The following PAPPA variants were observed in gnomAD, a reference collection of about 807,000 sequenced individuals.
The protein encoded by PAPPA is pappalysin-1.
A neutral mutation model predicts 164.0 loss-of-function variants in PAPPA; 60 were observed. That is an observed-to-expected ratio of 0.37 (90% CI 0.30 to 0.45). PAPPA has a LOEUF of 0.45. PAPPA is among the 20% of genes least tolerant of loss of function. PAPPA has a pLI of 1.00. For missense variants in PAPPA, 1,782 were observed against 2,087.3 expected (o/e 0.85, Z 2.85); for synonymous variants, 875 against 814.1 (o/e 1.07, Z -1.27).
chr9:116,239,368 C>T (rs1844709980), intron 7 of PAPPA, among the ~76,000 whole-genome samples: 1 of 152,178 alleles, frequency 6.6e-6, no homozygotes, highest in Non-Finnish European at 1.5e-5. Flanking sequence ...CACACCGCAT[C>T]ACCTATTTGG....
At chr9:116,220,254 T>C (rs112496722) in intron 5 of PAPPA, 125 bp downstream of exon 5, 8 of 662,644 alleles carry the variant, frequency 1.2e-5, no homozygotes, top group African/African-American at 1.8e-5. Context: ...AAAAGGTATC[T>C]CCACCACCTA....
At chr9:116,248,924 G>A (rs1392570573) in intron 7 of PAPPA, among the ~76,000 whole-genome samples, 1 of 152,142 alleles carries the variant, frequency 6.6e-6, no homozygotes, top group Admixed American at 6.5e-5. Context: ...AGTTACTAGA[G>A]GATTGAAAGG....
At chr9:116,306,271 AC>A (rs1420071651) in intron 10 of PAPPA, among the ~76,000 whole-genome samples, 1 of 152,236 alleles carries the variant, frequency 6.6e-6, no homozygotes, top group Non-Finnish European at 1.5e-5. Context: ...CATTCTTATC[AC>A]AATAAGTCTG....
At chr9:116,370,097 C>T (rs753735331) in intron 19 of PAPPA, among the ~76,000 whole-genome samples, 12 of 152,088 alleles carry the variant, frequency 7.9e-5, no homozygotes, top group Admixed American at 1.3e-4. Flanking sequence ...GGTCTGCCTG[C>T]GAGCACCAGT....
intron 11 of PAPPA, among the ~76,000 whole-genome samples, chr9:116,331,867 C>T (rs1424882692): frequency 6.6e-6 from 1 of 152,176 alleles, no homozygotes; most frequent in Non-Finnish European, 1.5e-5. Flanking sequence ...GCTTTCTCTC[C>T]TCAAAGCCGA....
At chr9:116,253,645 A>T (rs969028096) in intron 7 of PAPPA, among the ~76,000 whole-genome samples, 1 of 152,194 alleles carries the variant, frequency 6.6e-6, no homozygotes, top group Non-Finnish European at 1.5e-5. Context: ...TCAGAGTAAT[A>T]CTCAGACAAA....
intron 1 of PAPPA, among the ~76,000 whole-genome samples, chr9:116,158,168 G>T (rs1227796144): frequency 6.6e-6 from 1 of 151,954 alleles, no homozygotes; most frequent in Non-Finnish European, 1.5e-5. Context: ...TTGTTCTAAT[G>T]GTTGGACTGG....
At position 116,302,819 on chromosome 9, in the gene PAPPA, A is replaced by G; in HGVS notation, c.3016A>G (p.Thr1006Ala). The G allele has an allele frequency of 6.2e-7, 1 of 1,614,052 alleles. No individual in the cohort carries two copies. Residue 1006 changes from threonine to alanine, a missense_variant, in exon 10 of 22, where the codon ACC becomes GCC. Around this residue, in one of 2 missense-constraint regions of PAPPA, gnomAD observed 1,324 missense variants for 1,656.9 expected, o/e 0.80. Transcript: ENST00000328252. ...DGVCEEFEQK[T>A]SIKDCGVYTP... Reference sequence around the variant, plus strand: ...GGTATGTGAGGAGTTTGAACAAAAAACCAGCATTAAGGACTGTGGTGTCTA... The same window carrying G: ...GGTATGTGAGGAGTTTGAACAAAAAGCCAGCATTAAGGACTGTGGTGTCTA...
At chr9:116,389,129 CTTT>C (rs374938651) in intron 21 of PAPPA, among the ~76,000 whole-genome samples, 5 of 128,844 alleles carry the variant, frequency 3.9e-5, no homozygotes, top group Admixed American at 7.9e-5. Flanking sequence ...CAGAATAATC[CTTT>C]TTTTTTTTTT....
chr9:116,264,435 CCT>C (rs1845041961), intron 7 of PAPPA, among the ~76,000 whole-genome samples: 1 of 152,196 alleles, frequency 6.6e-6, no homozygotes, highest in South Asian at 2.1e-4. Context: ...AAACAAACTC[CCT>C]TTGGGGTAAT....
chr9:116,202,235 T>C (rs575426996), intron 2 of PAPPA, among the ~76,000 whole-genome samples: 4 of 152,208 alleles, frequency 2.6e-5, no homozygotes, highest in Non-Finnish European at 5.9e-5. Context: ...TTTTGCATTT[T>C]GAATGTGGTT....
rs145680713 is a variant in PAPPA, at chr9:116,216,966, T to G, written c.1919-2971T>G. Among the ~76,000 whole-genome samples, 821 of 152,186 alleles carry G rather than the reference T, an allele frequency of 5.4e-3. 6 individuals carry two copies. Among genetic ancestry groups the G allele is most frequent in the South Asian group, 0.015 (71 of 4,812 alleles). ...CATGTTGGTCAGGGTGGTCTCGAAT[T>G]CCTGACCTCGTGATCCGCCCACCTT... On this transcript the variant is annotated intron_variant, in intron 4 of 21. Coordinates refer to ENST00000328252, the MANE Select transcript of PAPPA (RefSeq NM_002581.5).
intron 3 of PAPPA, among the ~76,000 whole-genome samples, chr9:116,210,518 ACAG>A (rs1844293598): frequency 6.6e-6 from 1 of 152,226 alleles, no homozygotes; most frequent in African/African-American, 2.4e-5. Flanking sequence ...TTCAAGGTTC[ACAG>A]ACCTGAGTTT....
intron 9 of PAPPA, among the ~76,000 whole-genome samples, chr9:116,295,200 C>A (rs1013144702): frequency 6.6e-6 from 1 of 151,972 alleles, no homozygotes; most frequent in Non-Finnish European, 1.5e-5. Context: ...CAGAGATTTC[C>A]AAAAGTAATA....
intron 10 of PAPPA, among the ~76,000 whole-genome samples, chr9:116,312,782 CTCT>C (rs1439012894): frequency 6.6e-6 from 1 of 152,048 alleles, no homozygotes; most frequent in Non-Finnish European, 1.5e-5. Context: ...CTTCTGCCTC[CTCT>C]TAAGAAACTC....
chr9:116,298,283 C>T (rs758179620), intron 9 of PAPPA, among the ~76,000 whole-genome samples: 1 of 152,228 alleles, frequency 6.6e-6, no homozygotes, highest in South Asian at 2.1e-4. Context: ...TACACCAAGT[C>T]CATCTGCCTC....
chr9:116,343,539 CAT>C (rs1846165269), intron 13 of PAPPA, among the ~76,000 whole-genome samples: 3 of 152,164 alleles, frequency 2.0e-5, no homozygotes, highest in African/African-American at 7.2e-5. Flanking sequence ...AGATGCAAGA[CAT>C]AGTCTCTGTA....
At chr9:116,224,044 G>T (rs1844475567) in intron 5 of PAPPA, among the ~76,000 whole-genome samples, 1 of 152,126 alleles carries the variant, frequency 6.6e-6, no homozygotes, top group South Asian at 2.1e-4. Flanking sequence ...CCCTTTCCCT[G>T]CAAAGCCTCT....
rs1056158251 is a variant in PAPPA, at chr9:116,154,678, G to A, written c.415+91G>A. On this transcript the variant is annotated intron_variant, in intron 1 of 21. Coordinates refer to ENST00000328252, the MANE Select transcript of PAPPA (RefSeq NM_002581.5). This position sits in a 1 kb window ranked among gnomAD's most constrained non-coding sequence, Gnocchi z 5.2. ...GGCGCGGGTGGCGGGCGGGTCGGGG[G>A]CTTGCGGGCGTGTCTGTGCGAGAGC... The A allele has an allele frequency of 1.8e-5, 22 of 1,236,970 alleles. No homozygotes were observed. Among genetic ancestry groups the A allele is most frequent in the East Asian group, 1.6e-4 (5 of 31,302 alleles). The allele number at this position is 1,236,970 out of a possible 1,614,324, so 76.6% of individuals were successfully genotyped here. A position where few individuals can be genotyped will look rare whatever the true frequency, so the allele number is the denominator to read the frequency against.
Sources: allele counts gnomAD v4.1 joint callset (sites outside exome capture counted in the v4.1 genomes callset), GRCh38; gene constraint gnomAD v4.1.1; regional missense constraint gnomAD v4.1.1; non-coding constraint Gnocchi (gnomAD v3.1); transcripts MANE v1.5; gene names NCBI Gene and HGNC (gene_info 2026-07-23, HGNC 2026-07-21).